The following AFMID variants were observed in gnomAD, a reference collection of about 807,000 sequenced individuals.
AFMID encodes the protein kynurenine formamidase.
Under a neutral mutation model 47.5 loss-of-function variants are expected in AFMID, and 39 were observed. The observed-to-expected ratio is 0.82, with a 90% CI of 0.64 to 1.07. The LOEUF (loss-of-function observed/expected upper bound fraction) is 1.07. Among genes scored for constraint, AFMID ranks in the 50% least tolerant of loss-of-function variants. The pLI is 0.00. For synonymous variants in AFMID, 130 were observed against 153.2 expected (o/e 0.85, Z 1.12); for missense variants, 375 against 387.5 (o/e 0.97, Z 0.27).
At chr17:78,193,791 C>T (rs1037740209) in intron 2 of AFMID, among the ~76,000 whole-genome samples, 23 of 152,116 alleles carry the variant, frequency 1.5e-4, no homozygotes, top group Non-Finnish European at 2.1e-4. Context: ...TCCTGGCTAA[C>T]ACGGTGAAAC....
At position 78,207,169 on chromosome 17, in the gene AFMID, G is replaced by A. The variant is rs1453686162; in HGVS notation, c.*232G>A. The A allele has an allele frequency of 1.8e-6, 1 of 545,390 alleles. No individual in the cohort carries two copies. The highest frequency in any genetic ancestry group is 1.9e-5 in the African/African-American group (1 of 51,776). 33.8% of individuals were successfully genotyped at this position (545,390 alleles called of 1,614,324 possible). A position where few individuals can be genotyped will look rare whatever the true frequency, so the allele number is the denominator to read the frequency against. On this transcript the variant is annotated 3_prime_UTR_variant, in exon 11 of 11. Transcript: ENST00000409257. Reference sequence around the variant, plus strand: ...CTCCAGGGCTGGGGAACGTCCGCAAGTCAATGCTCAGAGATGCCCGGAGCT... The same window carrying A: ...CTCCAGGGCTGGGGAACGTCCGCAAATCAATGCTCAGAGATGCCCGGAGCT...
chr17:78,204,232 T>C (rs1423449386), intron 4 of AFMID, among the ~76,000 whole-genome samples: 3 of 151,774 alleles, frequency 2.0e-5, no homozygotes, highest in East Asian at 1.9e-4. Flanking sequence ...GGCAGGAGGA[T>C]TGAGTTAGAA....
In AFMID at chr17:78,187,414, GGAA is replaced by G. The variant is rs746638950; in HGVS notation, c.50_52del (p.Lys17del). The G allele has an allele frequency of 6.5e-5, 105 of 1,614,002 alleles. No homozygotes were observed. The highest frequency in any genetic ancestry group is 3.3e-4 in the Middle Eastern group (2 of 6,060). On this transcript the variant is annotated inframe_deletion, in exon 1 of 11. Transcript: ENST00000409257. ...GTGGGTTTCCCAAGCAAGGTTCCTT[GGAA>G]GAAGATGTCTGCAGAGGTAGGTGGA...
At chr17:78,202,209 G>A (rs2076261425) in intron 2 of AFMID, among the ~76,000 whole-genome samples, 1 of 150,408 alleles carries the variant, frequency 6.6e-6, no homozygotes, top group Non-Finnish European at 1.5e-5. Context: ...TGGATCACGA[G>A]GTCAGGAGTT....
intron 2 of AFMID, among the ~76,000 whole-genome samples, chr17:78,193,635 C>T (rs1250828872): frequency 4.0e-5 from 6 of 151,716 alleles, no homozygotes; most frequent in Non-Finnish European, 2.9e-5. Context: ...TCCTTTGAGG[C>T]CAGGAGTTTG....
At chr17:78,205,326 C>G in intron 7 of AFMID, 114 bp from the exon 8 acceptor site, 1 of 1,435,770 alleles carries the variant, frequency 7.0e-7, no homozygotes, top group Non-Finnish European at 9.7e-7. Flanking sequence ...GCAAGGCCTT[C>G]TCTGCCTCCT....
At chr17:78,202,437 G>A in intron 2 of AFMID, 62 bp from the exon 3 acceptor site, 1 of 1,543,774 alleles carries the variant, frequency 6.5e-7, no homozygotes, top group South Asian at 1.1e-5. Context: ...TCAAAAAAAA[G>A]AAAAGAAAAA....
chr17:78,205,903 C>T, intron 9 of AFMID, 43 bp from the exon 10 acceptor site: 1 of 1,604,044 alleles, frequency 6.2e-7, no homozygotes, highest in East Asian at 2.2e-5. Flanking sequence ...CCCACCTCCC[C>T]TCCCACTGCT....
chr17:78,192,969 AT>A (rs1175152652), intron 2 of AFMID, among the ~76,000 whole-genome samples: 1 of 152,042 alleles, frequency 6.6e-6, no homozygotes, highest in Non-Finnish European at 1.5e-5. Context: ...GTCTCAATAG[AT>A]TGGGGGGGAG....
chr17:78,206,549 A>G (rs2076387806), intron 10 of AFMID, among the ~76,000 whole-genome samples: 1 of 148,392 alleles, frequency 6.7e-6, no homozygotes, highest in Admixed American at 6.9e-5. Context: ...TGGGACTACA[A>G]AGGCGTGCCA....
rs1056142054 is a variant in AFMID at position 78,205,633 on chromosome 17, G to A, written c.675G>A (p.Leu225=). Residue 225 remains leucine (L), a synonymous_variant, in exon 9 of 11, where the codon CTG becomes CTA. Coordinates refer to ENST00000409257, the MANE Select transcript of AFMID (RefSeq NM_001010982.5). ...LEDAQRNSPQ[L]KVAQAQPVDP... is the part of the protein sequence containing the mutation. ...ACGCTCAGAGGAATAGCCCCCAGCT[G>A]AAGGTGGCCCAGGCACAGCCGGTGG... 6 of 1,613,772 alleles carry A rather than the reference G, an allele frequency of 3.7e-6. No individual in the cohort carries two copies. The highest frequency in any genetic ancestry group is 5.1e-6 in the Non-Finnish European group (6 of 1,179,896).
chr17:78,192,964 A>T (rs918677070), intron 2 of AFMID, among the ~76,000 whole-genome samples: 1 of 152,182 alleles, frequency 6.6e-6, no homozygotes, highest in African/African-American at 2.4e-5. Context: ...CTCCTGTCTC[A>T]ATAGATTGGG....
chr17:78,200,912 G>A (rs1389021778), intron 2 of AFMID, among the ~76,000 whole-genome samples: 1 of 152,160 alleles, frequency 6.6e-6, no homozygotes, highest in Admixed American at 6.5e-5. Context: ...TGTCCTAGCT[G>A]TGAATACTAG....
intron 2 of AFMID, chr17:78,192,792 A>T (rs1462703287): frequency 2.7e-6 from 1 of 367,146 alleles, no homozygotes; most frequent in Non-Finnish European, 5.9e-6. Context: ...GTAGGTGAGG[A>T]CGCAGCCAAC....
intron 2 of AFMID, among the ~76,000 whole-genome samples, chr17:78,192,123 T>C (rs2075985403): frequency 6.6e-6 from 1 of 151,836 alleles, no homozygotes; most frequent in Non-Finnish European, 1.5e-5. Flanking sequence ...CTCAGCTTCC[T>C]GAGTAGCTGG....
At position 78,205,943 on chromosome 17, in the gene AFMID, C is replaced by A. The variant is rs550775001; in HGVS notation, c.781-3C>A. ...CCCCTCTTCCCATGTCTCCCCTGCC[C>A]AGACCCTGTGTCAAGGAGAGTGGAA... On this transcript the variant is annotated splice_region_variant and splice_polypyrimidine_tract_variant and intron_variant, in intron 9 of 10. Coordinates refer to ENST00000409257, the MANE Select transcript of AFMID (RefSeq NM_001010982.5). 26 of 1,614,000 alleles carry A rather than the reference C, an allele frequency of 1.6e-5. No individual in the cohort carries two copies. The South Asian group carries it at 2.9e-4, about 18-fold the overall frequency.
intron 2 of AFMID, among the ~76,000 whole-genome samples, chr17:78,193,779 C>A (rs886355505): frequency 8.6e-5 from 13 of 151,968 alleles, no homozygotes; most frequent in Admixed American, 6.6e-5. Context: ...AGATTGAGAC[C>A]ATCCTGGCTA....
chr17:78,204,073 C>T (rs1219566071), intron 4 of AFMID: 2 of 152,052 alleles, frequency 1.3e-5, no homozygotes, highest in African/African-American at 2.5e-5. Flanking sequence ...AAACTCTCTA[C>T]ACTGCTAGTC....
chr17:78,200,406 A>G (rs1420126168), intron 2 of AFMID, among the ~76,000 whole-genome samples: 1 of 152,190 alleles, frequency 6.6e-6, no homozygotes, highest in Non-Finnish European at 1.5e-5. Context: ...TGCCCGCCTC[A>G]GCCTCCCTGT....
Sources: gnomAD v4.1 joint callset for allele counts (sites outside exome capture counted in the v4.1 genomes callset) on GRCh38, gnomAD v4.1.1 for gene constraint, MANE v1.5 for transcripts, NCBI Gene and HGNC (gene_info 2026-07-23, HGNC 2026-07-21) for gene names.